PIP4P2: variants seen among roughly 807,000 people sequenced by gnomAD.
PIP4P2 encodes the protein phosphatidylinositol-4,5-bisphosphate 4-phosphatase 2.
Under a neutral mutation model 33.3 loss-of-function variants are expected in PIP4P2, and 19 were observed. The ratio of observed to expected loss-of-function variants is 0.57; its 90% CI spans 0.40 to 0.84. The LOEUF (loss-of-function observed/expected upper bound fraction) is 0.84, where lower values mean the gene tolerates loss of function less well. Among genes scored for constraint, PIP4P2 ranks in the 40% least tolerant of loss-of-function variants. The pLI is 0.00. For synonymous variants in PIP4P2, 110 were observed against 111.9 expected (o/e 0.98, Z 0.11); for missense variants, 270 against 324.7 (o/e 0.83, Z 1.29).
intron 5 of PIP4P2, among the ~76,000 whole-genome samples, chr8:91,003,224 A>C (rs1811723193): frequency 6.6e-6 from 1 of 152,208 alleles, no homozygotes; most frequent in Non-Finnish European, 1.5e-5. Context: ...TGACGTATGC[A>C]TTTAGGAACT....
chr8:91,008,856 A>C (rs1811794979), intron 4 of PIP4P2, 61 bp from the exon 5 acceptor site: 2 of 1,406,494 alleles, frequency 1.4e-6, no homozygotes, highest in Admixed American at 3.6e-5. Flanking sequence ...CCAATCTGAT[A>C]AGACATTTCT....
chr8:91,024,296 A>G lies in PIP4P2; in HGVS notation c.107-2892T>C, dbSNP rs746202521. The G allele has an allele frequency of 8.0e-5, 35 of 437,234 alleles. 1 individual carries two copies. Among genetic ancestry groups the G allele is most frequent in the South Asian group, 4.8e-4 (29 of 60,772 alleles). 27.1% of individuals were successfully genotyped at this position (437,234 alleles called of 1,614,324 possible). A position where few individuals can be genotyped will look rare whatever the true frequency, so the allele number is the denominator to read the frequency against. On this transcript the variant is annotated intron_variant, in intron 1 of 6. Transcript: ENST00000285419. ...CTTTCTCTCAGATTTTACCTCAAGG[A>G]AACATTTACTTGTAGCTCCATCTCC... is the stretch of plus-strand genomic sequence containing the variant.
intron 2 of PIP4P2, among the ~76,000 whole-genome samples, chr8:91,020,475 C>CA (rs1176526942): frequency 1.3e-4 from 19 of 151,948 alleles, no homozygotes; most frequent in Admixed American, 1.2e-3. Flanking sequence ...CACTGGCTGA[C>CA]TTTTTTTAGT....
At position 90,994,616 on chromosome 8, in the gene PIP4P2, T is replaced by A. The variant is rs894982765; in HGVS notation, c.*1061A>T. On this transcript the variant is annotated 3_prime_UTR_variant, in exon 7 of 7. Coordinates refer to ENST00000285419, the MANE Select transcript of PIP4P2 (RefSeq NM_018710.3). ...ATGAATTCTTAGAAAATTATGTTGTTCTTTATTTCTGATCTATTTTCTTGA... is the reference window on the plus strand; with the variant it reads ...ATGAATTCTTAGAAAATTATGTTGTACTTTATTTCTGATCTATTTTCTTGA... 6.6e-6 allele frequency: 1 copy of A among 152,550 alleles called. No homozygotes were observed. 9.4% of individuals were successfully genotyped at this position (152,550 alleles called of 1,614,324 possible).
Position 90,994,290 on chromosome 8 carries a change from A to G in PIP4P2, c.*1387T>C, listed in dbSNP as rs1299890964. 6.6e-6 allele frequency: 1 copy of G among 152,110 alleles called. No homozygotes were observed. The highest frequency in any genetic ancestry group is 1.5e-5 in the Non-Finnish European group (1 of 67,944). 9.4% of individuals were successfully genotyped at this position (152,110 alleles called of 1,614,324 possible). On this transcript the variant is annotated 3_prime_UTR_variant, in exon 7 of 7. Transcript: ENST00000285419. The stretch of plus-strand genomic sequence containing the variant: ...AGGTAATTTTTGAACAATAATCTTT[A>G]TTAGTGTATTTTTAAAGGTACATAT...
At chr8:91,031,716 A>G (rs1462836989) in intron 1 of PIP4P2, among the ~76,000 whole-genome samples, 1 of 152,234 alleles carries the variant, frequency 6.6e-6, no homozygotes, top group African/African-American at 2.4e-5. Flanking sequence ...TACAAGAGTC[A>G]TGTAACATCC....
chr8:91,021,172 T>C, intron 2 of PIP4P2, 84 bp downstream of exon 2: 1 of 1,494,922 alleles, frequency 6.7e-7, no homozygotes, highest in Non-Finnish European at 9.1e-7. Flanking sequence ...CATATACTTT[T>C]AAGTAACATT....
rs1160603561 is a variant in PIP4P2 at position 90,995,213 on chromosome 8, A to C, written c.*464T>G. 2.6e-5 allele frequency: 4 copies of C among 152,508 alleles called. No homozygotes were observed. The highest frequency in any genetic ancestry group is 9.7e-5 in the African/African-American group (4 of 41,438). 9.4% of individuals were successfully genotyped at this position (152,508 alleles called of 1,614,324 possible). A position where few individuals can be genotyped will look rare whatever the true frequency, so the allele number is the denominator to read the frequency against. ...ATAAGGTCACTATAATCTTAGGTTA[A>C]AGTTACAGTAAGCAGTTCAAGCAAA... On this transcript the variant is annotated 3_prime_UTR_variant, in exon 7 of 7. Transcript: ENST00000285419.
At position 90,995,579 on chromosome 8, in the gene PIP4P2, G is replaced by T; in HGVS notation, c.*98C>A. The stretch of plus-strand genomic sequence containing the variant: ...TCTTGAAACGATTATACATAAACCA[G>T]AATGGAATCCATTAGGATAAATAAT... On this transcript the variant is annotated 3_prime_UTR_variant, in exon 7 of 7. Transcript: ENST00000285419. 1 of 1,419,630 alleles carries T rather than the reference G, an allele frequency of 7.0e-7. No individual in the cohort carries two copies. Among genetic ancestry groups the T allele is most frequent in the Non-Finnish European group, 9.3e-7 (1 of 1,071,838 alleles). The allele number at this position is 1,419,630 out of a possible 1,614,324, so 87.9% of individuals were successfully genotyped here.
intron 4 of PIP4P2, among the ~76,000 whole-genome samples, chr8:91,015,453 T>C (rs1324645908): frequency 6.6e-6 from 1 of 152,176 alleles, no homozygotes; most frequent in Non-Finnish European, 1.5e-5. Context: ...TGCATAAAAC[T>C]TCTATCAAAA....
At chr8:91,001,779 T>C (rs1811703006) in intron 5 of PIP4P2, among the ~76,000 whole-genome samples, 1 of 152,108 alleles carries the variant, frequency 6.6e-6, no homozygotes, top group Admixed American at 6.6e-5. Flanking sequence ...CTATGACTAG[T>C]AACTTTTGTT....
chr8:91,004,030 A>C (rs1811735779), intron 5 of PIP4P2, among the ~76,000 whole-genome samples: 1 of 152,106 alleles, frequency 6.6e-6, no homozygotes. Flanking sequence ...ATAAGAGGCA[A>C]TTTATCAAGG....
intron 4 of PIP4P2, among the ~76,000 whole-genome samples, chr8:91,010,161 T>C (rs191259892): frequency 3.9e-4 from 60 of 152,040 alleles, no homozygotes; most frequent in African/African-American, 1.3e-3. Flanking sequence ...TCTACAGAAA[T>C]TGGTATAGAA....
chr8:91,010,707 A>C (rs988207731), intron 4 of PIP4P2, among the ~76,000 whole-genome samples: 5 of 151,864 alleles, frequency 3.3e-5, no homozygotes, highest in Non-Finnish European at 7.4e-5. Context: ...AAGTTGACTT[A>C]GTACTGTTCT....
At chr8:91,036,515 C>T (rs758272548) in intron 1 of PIP4P2, among the ~76,000 whole-genome samples, 1 of 152,104 alleles carries the variant, frequency 6.6e-6, no homozygotes, top group Non-Finnish European at 1.5e-5. Flanking sequence ...TCATCAAGCC[C>T]TGTTCAATCC....
intron 4 of PIP4P2, among the ~76,000 whole-genome samples, chr8:91,013,671 A>C (rs1189150709): frequency 2.0e-5 from 3 of 152,040 alleles, no homozygotes; most frequent in Non-Finnish European, 4.4e-5. Flanking sequence ...AGTAGCTAGG[A>C]CTATAGGTGC....
At chr8:90,999,453 T>C (rs569412068) in intron 5 of PIP4P2, among the ~76,000 whole-genome samples, 1 of 152,240 alleles carries the variant, frequency 6.6e-6, no homozygotes, top group African/African-American at 2.4e-5. Context: ...TTCCTGCCAG[T>C]TGGCTTTTCC....
intron 6 of PIP4P2, 98 bp from the exon 7 acceptor site, chr8:90,995,918 T>G (rs1197640036): frequency 7.5e-7 from 1 of 1,335,518 alleles, no homozygotes; most frequent in Non-Finnish European, 9.9e-7. Context: ...TTATGAAATA[T>G]ACCCCCAGAC....
intron 3 of PIP4P2, among the ~76,000 whole-genome samples, chr8:91,019,555 ACT>A (rs1199795830): frequency 6.7e-6 from 1 of 148,186 alleles, no homozygotes; most frequent in Non-Finnish European, 1.5e-5. Context: ...TCCCGTTGAG[ACT>A]CTGTCTCAAA....
Sources: allele counts gnomAD v4.1 joint callset (sites outside exome capture counted in the v4.1 genomes callset), GRCh38; gene constraint gnomAD v4.1.1; transcripts MANE v1.5; gene names NCBI Gene and HGNC (gene_info 2026-07-23, HGNC 2026-07-21).